The following EPHX4 variants were observed in gnomAD, a reference collection of about 807,000 sequenced individuals.
EPHX4 encodes abhydrolase domain containing 7.
A neutral mutation model predicts 44.9 loss-of-function variants in EPHX4; 31 were observed. That is an observed-to-expected ratio of 0.69 (90% CI 0.52 to 0.93). EPHX4 has a LOEUF of 0.93. Among genes scored for constraint, EPHX4 ranks in the 40% least tolerant of loss-of-function variants. The pLI is 0.00. For missense variants in EPHX4, 373 were observed against 438.1 expected, an observed-to-expected ratio of 0.85 and a Z score of 1.33; for synonymous variants, 151 against 159.7, an observed-to-expected ratio of 0.95 and a Z score of 0.41.
chr1:92,056,325 G>C (rs1183585351), intron 6 of EPHX4, among the ~76,000 whole-genome samples: 1 of 152,142 alleles, frequency 6.6e-6, no homozygotes, highest in African/African-American at 2.4e-5. Flanking sequence ...CTCATCCAAA[G>C]ACTTGCCAAA....
chr1:92,058,679 A>AAAT (rs200251354), intron 6 of EPHX4, among the ~76,000 whole-genome samples: 6 of 151,900 alleles, frequency 3.9e-5, no homozygotes, highest in Non-Finnish European at 5.9e-5. Flanking sequence ...ATTGTCCCAG[A>AAAT]AATAATAATA....
chr1:92,040,809 C>T (rs1688498922), intron 2 of EPHX4, among the ~76,000 whole-genome samples: 1 of 152,104 alleles, frequency 6.6e-6, no homozygotes, highest in South Asian at 2.1e-4. Flanking sequence ...CATCGCAGCC[C>T]CCCTCTCAGG....
intron 5 of EPHX4, 134 bp from the exon 6 acceptor site, chr1:92,052,376 A>C: frequency 2.6e-6 from 2 of 761,726 alleles, no homozygotes; most frequent in South Asian, 3.7e-5. Context: ...AAACAATGAG[A>C]TCTCAAACTT....
At chr1:92,059,379 G>T (rs1382069885) in intron 6 of EPHX4, among the ~76,000 whole-genome samples, 3 of 152,086 alleles carry the variant, frequency 2.0e-5, no homozygotes, top group African/African-American at 7.2e-5. Flanking sequence ...AGAGATTGCG[G>T]TGAGCCCAGA....
chr1:92,035,258 T>C (rs952403404), intron 2 of EPHX4, among the ~76,000 whole-genome samples: 1 of 152,214 alleles, frequency 6.6e-6, no homozygotes, highest in African/African-American at 2.4e-5. Context: ...CATATGCATA[T>C]GGTCTCACCT....
rs780015934 is a variant in EPHX4, at chr1:92,032,591, G to A, written c.317+1G>A. 6.2e-7 allele frequency: 1 copy of A among 1,613,008 alleles called. No individual in the cohort carries two copies. Among genetic ancestry groups the A allele is most frequent in the Non-Finnish European group, 8.5e-7 (1 of 1,179,068 alleles). ...TGCTTCATGGATTTCCAGAATTCTG[G>A]TAAGCTTACCAACTAACATTTATTG... On this transcript the variant is annotated splice_donor_variant, in intron 2 of 6. Coordinates refer to ENST00000370383, the MANE Select transcript of EPHX4 (RefSeq NM_173567.5). LOFTEE classifies it high-confidence loss of function.
chr1:92,063,021 G>A lies in EPHX4; in HGVS notation c.858-34G>A, dbSNP rs201645029. On this transcript the variant is annotated intron_variant, in intron 6 of 6. Transcript: ENST00000370383. The stretch of plus-strand genomic sequence containing the variant: ...GGAAAATGTCATTTTAACTTTGACA[G>A]TGAATCTCAAGCCCATGTATTTTGT... 135 of 1,560,402 alleles carry A rather than the reference G, an allele frequency of 8.7e-5. No individual in the cohort carries two copies. In the African/African-American group the frequency reaches 1.6e-3, roughly 18 times the overall value.
At chr1:92,033,081 CTT>C (rs35411599) in intron 2 of EPHX4, among the ~76,000 whole-genome samples, 75 of 137,618 alleles carry the variant, frequency 5.4e-4, no homozygotes, top group Admixed American at 8.0e-4. Context: ...CCACACCTAG[CTT>C]TTTTTTTTTT....
In EPHX4 at chr1:92,043,097, C is replaced by T. The variant is rs1688533421; in HGVS notation, c.475+117C>T. ...TTCCATCTACCCAAATTATCTGGAT[C>T]CTGTCACTATGGTTTCAGTTAGTCA... On this transcript the variant is annotated intron_variant, in intron 3 of 6. Transcript: ENST00000370383. 7.1e-6 allele frequency: 6 copies of T among 841,378 alleles called. No homozygotes were observed. In the East Asian group the frequency reaches 1.6e-4, roughly 23 times the overall value. The allele number at this position is 841,378 out of a possible 1,614,324, so 52.1% of individuals were successfully genotyped here.
At chr1:92,050,064 A>T (rs1647222569) in intron 4 of EPHX4, among the ~76,000 whole-genome samples, 1 of 151,984 alleles carries the variant, frequency 6.6e-6, no homozygotes, top group African/African-American at 2.4e-5. Context: ...GCGCCATTGC[A>T]CTCCAGCCTG....
chr1:92,032,157 A>G (rs886215378), intron 1 of EPHX4, among the ~76,000 whole-genome samples: 5 of 152,202 alleles, frequency 3.3e-5, no homozygotes, highest in African/African-American at 1.2e-4. Flanking sequence ...TACAAATGGT[A>G]AGATGAAAGT....
chr1:92,049,038 A>T (rs945043022), intron 4 of EPHX4, among the ~76,000 whole-genome samples: 1 of 151,354 alleles, frequency 6.6e-6, no homozygotes, highest in African/African-American at 2.4e-5. Context: ...ATATATATGT[A>T]TATATATTTA....
intron 4 of EPHX4, among the ~76,000 whole-genome samples, chr1:92,048,603 T>C (rs1286908077): frequency 6.6e-6 from 1 of 152,184 alleles, no homozygotes; most frequent in Admixed American, 6.5e-5. Flanking sequence ...AAAATTATAC[T>C]TCTAAAAACT....
intron 2 of EPHX4, among the ~76,000 whole-genome samples, chr1:92,034,323 G>A (rs1207720686): frequency 4.7e-5 from 7 of 149,672 alleles, no homozygotes; most frequent in Non-Finnish European, 8.9e-5. Flanking sequence ...AAAAAAAAGG[G>A]TGGTACATAT....
chr1:92,052,433 C>A, intron 5 of EPHX4, 77 bp from the exon 6 acceptor site: 1 of 1,380,468 alleles, frequency 7.2e-7, no homozygotes, highest in Non-Finnish European at 9.8e-7. Flanking sequence ...GACCACCATC[C>A]CCTTTCCAAA....
At chr1:92,045,461 A>G (rs915381633) in intron 3 of EPHX4, 71 bp from the exon 4 acceptor site, 5 of 1,556,506 alleles carry the variant, frequency 3.2e-6, no homozygotes, top group Non-Finnish European at 4.4e-6. Context: ...AAGTATAACT[A>G]TTTTATGTGA....
Position 92,063,245 on chromosome 1 carries a change from A to T in EPHX4, c.1048A>T (p.Ile350Leu), listed in dbSNP as rs753699516. 1.9e-6 allele frequency: 3 copies of T among 1,607,068 alleles called. No individual in the cohort carries two copies. The South Asian group carries it at 3.3e-5, about 18-fold the overall frequency. Residue 350 changes from isoleucine (I) to leucine (L), a missense_variant, in exon 7 of 7, where the codon ATA becomes TTA. By Grantham distance (5) the Ile-to-Leu change is conservative. Coordinates refer to ENST00000370383, the MANE Select transcript of EPHX4 (RefSeq NM_173567.5). The part of the protein sequence containing the change: ...QDQPDIVNKL[I>L]WTFLKEETRK... ...CCAACCTGACATAGTGAACAAATTG[A>T]TATGGACATTTCTAAAAGAAGAAAC...
At chr1:92,060,656 C>T (rs1471788970) in intron 6 of EPHX4, among the ~76,000 whole-genome samples, 3 of 151,558 alleles carry the variant, frequency 2.0e-5, no homozygotes, top group Non-Finnish European at 4.4e-5. Flanking sequence ...CGATGGCTCA[C>T]ACCTGTAATC....
chr1:92,057,167 A>G (rs953721989), intron 6 of EPHX4, among the ~76,000 whole-genome samples: 2 of 152,054 alleles, frequency 1.3e-5, no homozygotes, highest in Non-Finnish European at 2.9e-5. Flanking sequence ...TTAGAAGACA[A>G]ATAATTTAAA....
Sources: allele counts gnomAD v4.1 joint callset (sites outside exome capture counted in the v4.1 genomes callset), GRCh38; gene constraint gnomAD v4.1.1; transcripts MANE v1.5; gene names NCBI Gene and HGNC (gene_info 2026-07-23, HGNC 2026-07-21).